The following SMYD4 variants were observed in gnomAD, a reference collection of about 807,000 sequenced individuals.
SMYD4 encodes the protein protein-lysine N-methyltransferase SMYD4.
A neutral mutation model predicts 72.8 loss-of-function variants in SMYD4; 68 were observed. That is an observed-to-expected ratio of 0.93 (90% CI 0.77 to 1.14). The LOEUF (loss-of-function observed/expected upper bound fraction) is 1.14, where lower values mean the gene tolerates loss of function less well. SMYD4 is among the 50% of genes most tolerant of loss of function. The pLI, the probability that SMYD4 is intolerant of heterozygous loss-of-function variation, is 0.00. For synonymous variants in SMYD4, 407 were observed against 388.6 expected (o/e 1.05, Z -0.56); for missense variants, 984 against 1,003.7 (o/e 0.98, Z 0.27).
At chr17:1,792,582 A>G (rs1332161627) in intron 5 of SMYD4, among the ~76,000 whole-genome samples, 14 of 151,656 alleles carry the variant, frequency 9.2e-5, no homozygotes, top group Admixed American at 7.2e-4. Context: ...TCGAGGCTTC[A>G]GTGAGCTGAG....
In SMYD4 at chr17:1,800,027, G is replaced by C; in HGVS notation, c.1367C>G (p.Ala456Gly). The change falls in exon 5 of 11, where the codon GCA (alanine) becomes GGA (glycine). Residue 456 changes from alanine (A) to glycine (G), a missense_variant. By Grantham distance (60) the Ala-to-Gly change is moderately conservative (BLOSUM62 0). Transcript: ENST00000305513. ...AGTTGGGATGGCCTGTAAACTGGCT[G>C]CTTCTAGCTGTCTGCACAGTGCAGA... ...CVSALCRQLE[A>G]ASLQAIPTER... 2 of 1,614,156 alleles carry C rather than the reference G, an allele frequency of 1.2e-6. No individual in the cohort carries two copies. Among genetic ancestry groups the C allele is most frequent in the Non-Finnish European group, 1.7e-6 (2 of 1,180,018 alleles).
At chr17:1,782,747 A>G (rs919997554) in intron 10 of SMYD4, 2 of 235,714 alleles carry the variant, frequency 8.5e-6, no homozygotes, top group South Asian at 6.0e-5. Flanking sequence ...AGCTTTCCCC[A>G]TATCTCCCAG....
At chr17:1,799,373 A>ATT (rs963213315) in intron 5 of SMYD4, among the ~76,000 whole-genome samples, 4 of 145,750 alleles carry the variant, frequency 2.7e-5, no homozygotes, top group Non-Finnish European at 4.6e-5. Flanking sequence ...GAATCAAATA[A>ATT]TTTTTTTTTT....
At chr17:1,811,856 G>T in intron 3 of SMYD4, 115 bp downstream of exon 3, 2 of 1,140,106 alleles carry the variant, frequency 1.8e-6, no homozygotes, top group South Asian at 1.6e-5. Flanking sequence ...GAACCCAGGA[G>T]GCGAATGTTG....
intron 5 of SMYD4, among the ~76,000 whole-genome samples, chr17:1,792,371 G>A (rs146388473): frequency 0.016 from 2,476 of 151,902 alleles, 74 homozygotes; most frequent in African/African-American, 0.055. Context: ...AATACAGGTC[G>A]GGCACGGTGG....
chr17:1,801,970 T>G (rs1271646713), intron 4 of SMYD4, among the ~76,000 whole-genome samples: 1 of 151,938 alleles, frequency 6.6e-6, no homozygotes, highest in Non-Finnish European at 1.5e-5. Context: ...AGCGACACTC[T>G]GTCTCAAAAA....
intron 7 of SMYD4, among the ~76,000 whole-genome samples, chr17:1,785,767 A>AAAAAAAAAAAAAAAAAAG (rs1483174570): frequency 5.8e-5 from 1 of 17,168 alleles, no homozygotes; most frequent in African/African-American, 1.6e-4. Context: ...CCATCTCAAA[A>AAAAAAAAAAAAAAAAAAG]AAAAAAAAGA....
intron 2 of SMYD4, among the ~76,000 whole-genome samples, chr17:1,821,216 G>A (rs1910871124): frequency 6.6e-6 from 1 of 151,912 alleles, no homozygotes. Flanking sequence ...GAGGGAATGA[G>A]GGAAAAACAA....
chr17:1,815,658 A>T (rs1047647028), intron 2 of SMYD4, among the ~76,000 whole-genome samples: 1 of 85,076 alleles, frequency 1.2e-5, no homozygotes, highest in African/African-American at 6.4e-5. Flanking sequence ...ACCCTGCCTT[A>T]AAAAAAAAAA....
At position 1,800,914 on chromosome 17, in the gene SMYD4, C is replaced by T. The variant is rs1327738912; in HGVS notation, c.480G>A (p.Gln160=). 1 of 1,614,208 alleles carries T rather than the reference C, an allele frequency of 6.2e-7. No individual in the cohort carries two copies. The highest frequency in any genetic ancestry group is 1.1e-5 in the South Asian group (1 of 91,090). The change falls in exon 5 of 11, where the codon CAG becomes CAA. Residue 160 remains glutamine (Q), a synonymous_variant. Transcript: ENST00000305513. ...GATCACTGATGGTCTGGCTTGCCTCCTGCAGTCTCCCCAGGGCCACCAGAC... is the reference window on the plus strand; with the variant it reads ...GATCACTGATGGTCTGGCTTGCCTCTTGCAGTCTCCCCAGGGCCACCAGAC... ...AECLVALGRL[Q]EASQTISDLE...
rs1908303032 is a variant in SMYD4 at position 1,780,442 on chromosome 17, C to A, written c.*844G>T. ...ATATTGCCCAGGCTGGTTTTGAACT[C>A]CTGGGCTCAAGTGATCCTCCCACCT... On this transcript the variant is annotated 3_prime_UTR_variant, in exon 11 of 11. Transcript: ENST00000305513. 6.6e-6 allele frequency: 1 copy of A among 152,034 alleles called. No homozygotes were observed. The highest frequency in any genetic ancestry group is 1.5e-5 in the Non-Finnish European group (1 of 68,126). The allele number at this position is 152,034 out of a possible 1,614,324, so 9.4% of individuals were successfully genotyped here. A position where few individuals can be genotyped will look rare whatever the true frequency, so the allele number is the denominator to read the frequency against.
In SMYD4 at chr17:1,823,613, T is replaced by C. The variant is rs567648117; in HGVS notation, c.134+4248A>G. ...TCTCTCTACTTCCGGTAAATCTCAG[T>C]GGGGAATCCATTTTTTGAGGCTGAA... On this transcript the variant is annotated intron_variant, in intron 2 of 10. Transcript: ENST00000305513. Among the ~76,000 whole-genome samples, 221 of 152,202 alleles carry C rather than the reference T, an allele frequency of 1.5e-3. 1 individual carries two copies. The highest frequency in any genetic ancestry group is 5.2e-3 in the African/African-American group (215 of 41,532).
chr17:1,805,616 T>C (rs1909989688), intron 3 of SMYD4, among the ~76,000 whole-genome samples: 1 of 150,756 alleles, frequency 6.6e-6, no homozygotes, highest in African/African-American at 2.4e-5. Flanking sequence ...GTTTGAGACC[T>C]GCCTGGCTAA....
At chr17:1,810,564 AG>A (rs1168418965) in intron 3 of SMYD4, among the ~76,000 whole-genome samples, 1 of 151,994 alleles carries the variant, frequency 6.6e-6, no homozygotes, top group Non-Finnish European at 1.5e-5. Context: ...CTGATATGGG[AG>A]GGGGGCAGGG....
At chr17:1,807,245 G>GA (rs1406397534) in intron 3 of SMYD4, among the ~76,000 whole-genome samples, 2 of 151,760 alleles carry the variant, frequency 1.3e-5, no homozygotes, top group Non-Finnish European at 2.9e-5. Context: ...CAGGAAACAA[G>GA]CATCGATCCA....
chr17:1,800,229 T>G lies in SMYD4; in HGVS notation c.1165A>C (p.Lys389Gln). The G allele has an allele frequency of 6.2e-7, 1 of 1,614,214 alleles. No homozygotes were observed. Among genetic ancestry groups the G allele is most frequent in the East Asian group, 2.2e-5 (1 of 44,892 alleles). The change falls in exon 5 of 11, where the codon AAG becomes CAG. Residue 389 changes from lysine (K) to glutamine (Q), a missense_variant. Physicochemically the swap from Lys to Gln is moderately conservative, Grantham distance 53 (BLOSUM62 1). Transcript: ENST00000305513. ...ICLPESNNQV[K>Q]TLNYGLGESE... ...TCCCCTAGGCCATAATTAAGTGTCT[T>G]GACCTGATTGTTGCTTTCAGGTAAA...
At chr17:1,812,944 A>ATCTTT (rs34141085) in intron 2 of SMYD4, among the ~76,000 whole-genome samples, 128 of 148,082 alleles carry the variant, frequency 8.6e-4, no homozygotes, top group African/African-American at 1.0e-3. Context: ...ATCATAAAAG[A>ATCTTT]TTTTTTTTTT....
chr17:1,808,025 C>T (rs1910132654), intron 3 of SMYD4, among the ~76,000 whole-genome samples: 2 of 152,116 alleles, frequency 1.3e-5, no homozygotes. Context: ...TTAATATCCC[C>T]ATAGTCTGCC....
rs771582461 is a variant in SMYD4, at chr17:1,784,369, CTGCTGTAGGT to C, written c.1967_1976del (p.Asp656GlyfsTer15). ...GAAGCTTCTGGGCCACTCTGACCTG[CTGCTGTAGGT>C]CCTGTAACCGAGAGACCAGGTGGTC... On this transcript the variant is annotated frameshift_variant, in exon 8 of 11. Coordinates refer to ENST00000305513, the MANE Select transcript of SMYD4 (RefSeq NM_052928.3). LOFTEE classifies it high-confidence loss of function. 1.2e-6 allele frequency: 2 copies of C among 1,614,142 alleles called. No individual in the cohort carries two copies. The highest frequency in any genetic ancestry group is 1.7e-6 in the Non-Finnish European group (2 of 1,180,062).
Sources: allele counts gnomAD v4.1 joint callset (sites outside exome capture counted in the v4.1 genomes callset), GRCh38; gene constraint gnomAD v4.1.1; transcripts MANE v1.5; gene names NCBI Gene and HGNC (gene_info 2026-07-23, HGNC 2026-07-21).